The following PKP2 variants were observed in gnomAD, a reference collection of about 807,000 sequenced individuals.
The protein encoded by PKP2 is plakophilin-2.
PKP2 carries 73 observed loss-of-function variants against 83.4 expected under a neutral mutation model. The ratio of observed to expected loss-of-function variants is 0.88; its 90% CI spans 0.72 to 1.06. The LOEUF (loss-of-function observed/expected upper bound fraction) is 1.06, where lower values mean the gene tolerates loss of function less well. PKP2 is among the 50% of genes least tolerant of loss of function. The pLI is 0.00. For missense variants in PKP2, 966 were observed against 1,065.4 expected (o/e 0.91, Z 1.30); for synonymous variants, 409 against 430.4 (o/e 0.95, Z 0.62).
intron 6 of PKP2, among the ~76,000 whole-genome samples, chr12:32,830,919 AAT>A (rs1206460351): frequency 2.0e-5 from 3 of 151,562 alleles, no homozygotes; most frequent in Admixed American, 6.6e-5. Flanking sequence ...AAAAAAAAAA[AAT>A]CCTTTAGCTC....
chr12:32,795,745 G>A (rs953944490), intron 11 of PKP2, among the ~76,000 whole-genome samples: 4 of 152,174 alleles, frequency 2.6e-5, no homozygotes, highest in Admixed American at 2.6e-4. Flanking sequence ...GAGGAAAAGG[G>A]CACTTGCCTA....
In PKP2 at chr12:32,896,660, T is replaced by C; in HGVS notation, c.72A>G (p.Gln24=). The change falls in exon 1 of 13, where the codon CAA becomes CAG. Residue 24 remains glutamine (Q), a synonymous_variant. Coordinates refer to ENST00000340811, the MANE Select transcript of PKP2 (RefSeq NM_001005242.3). The part of the protein sequence containing the change: ...RTVLGQQILG[Q]LDSSSLALPS... ...GCAGCGCCAGGCTGGAGCTGTCCAG[T>C]TGTCCCAGGATCTGCTGGCCCAGGA... 1 of 1,562,748 alleles carries C rather than the reference T, an allele frequency of 6.4e-7. No individual in the cohort carries two copies. The highest frequency in any genetic ancestry group is 8.6e-7 in the Non-Finnish European group (1 of 1,163,566).
intron 5 of PKP2, 139 bp downstream of exon 5, chr12:32,850,627 A>C: frequency 1.4e-6 from 1 of 733,804 alleles, no homozygotes; most frequent in South Asian, 1.5e-5. Flanking sequence ...GCAGGTAACA[A>C]TGTTCCTTTA....
chr12:32,878,140 C>T lies in PKP2; in HGVS notation c.740G>A (p.Gly247Glu), dbSNP rs767647926. 1.2e-6 allele frequency: 2 copies of T among 1,614,238 alleles called. No individual in the cohort carries two copies. The highest frequency in any genetic ancestry group is 1.3e-5 in the African/African-American group (1 of 75,072). Residue 247 changes from glycine to glutamate, a missense_variant, in exon 3 of 13, where the codon GGG becomes GAG. Gly to Glu is a moderately conservative substitution (Grantham distance 98). Transcript: ENST00000340811. ...GAGGTTGCCCATGCTGCGGCTGGTC[C>T]CTGGCCTGGGGTACGTGAGCAGGGC... ...NPALLTYPRPGTSRSMGNLLE... is the reference protein window; with the variant it reads ...NPALLTYPRPETSRSMGNLLE...
rs1362643840 is a variant in PKP2, at chr12:32,821,536, A to G, written c.1840-7T>C. On this transcript the variant is annotated splice_region_variant and splice_polypyrimidine_tract_variant and intron_variant, in intron 8 of 12. Transcript: ENST00000340811. ...TCGGCACGTCCTGGTATTGCTGACC[A>G]CACACAAAAGGAATCCAGAATTAAT... 40 of 1,613,848 alleles carry G rather than the reference A, an allele frequency of 2.5e-5. No individual in the cohort carries two copies. Among genetic ancestry groups the G allele is most frequent in the Non-Finnish European group, 3.3e-5 (39 of 1,179,930 alleles).
chr12:32,800,597 TC>T (rs1328002888), intron 10 of PKP2, among the ~76,000 whole-genome samples: 3 of 152,224 alleles, frequency 2.0e-5, no homozygotes, highest in Non-Finnish European at 4.4e-5. Flanking sequence ...TATTTGTTTT[TC>T]CCTAAGTTGC....
intron 6 of PKP2, among the ~76,000 whole-genome samples, chr12:32,836,244 G>C (rs1956544616): frequency 6.6e-6 from 1 of 152,166 alleles, no homozygotes; most frequent in South Asian, 2.1e-4. Context: ...TAATTCCAAA[G>C]GGACCTAAAG....
At chr12:32,834,408 T>C (rs1347726347) in intron 6 of PKP2, among the ~76,000 whole-genome samples, 1 of 152,204 alleles carries the variant, frequency 6.6e-6, no homozygotes, top group African/African-American at 2.4e-5. Flanking sequence ...AAATTTCTGA[T>C]AGCTGGTTCT....
chr12:32,892,817 G>GT lies in PKP2; in HGVS notation c.223+3691_223+3692insA, dbSNP rs1491339010. Reference sequence around the variant, plus strand: ...CTCCACTCAGATACCTGGGGTGGGGGCGGGGGGGGGGGGAGAACTGTGTAG... The same window carrying GT: ...CTCCACTCAGATACCTGGGGTGGGGGTCGGGGGGGGGGGGAGAACTGTGTAG... On this transcript the variant is annotated intron_variant, in intron 1 of 12. Coordinates refer to ENST00000340811, the MANE Select transcript of PKP2 (RefSeq NM_001005242.3). Among the ~76,000 whole-genome samples, 4 of 108,974 alleles carry GT rather than the reference G, an allele frequency of 3.7e-5. 1 individual carries two copies. The highest frequency in any genetic ancestry group is 8.3e-5 in the Non-Finnish European group (4 of 48,106). 71.5% of individuals were successfully genotyped at this position (108,974 alleles called of 152,430 possible).
intron 9 of PKP2, among the ~76,000 whole-genome samples, chr12:32,812,218 A>G (rs2137749977): frequency 6.6e-6 from 1 of 151,384 alleles, no homozygotes; most frequent in Non-Finnish European, 1.5e-5. Flanking sequence ...AACATTTTCA[A>G]CGCATGGTGT....
At chr12:32,855,760 A>G (rs1956741350) in intron 4 of PKP2, among the ~76,000 whole-genome samples, 1 of 133,702 alleles carries the variant, frequency 7.5e-6, no homozygotes, top group Admixed American at 8.3e-5. Flanking sequence ...TGGGCGACAG[A>G]GAGACTCCAT....
intron 5 of PKP2, among the ~76,000 whole-genome samples, chr12:32,844,525 C>A (rs1956629372): frequency 1.3e-5 from 2 of 152,118 alleles, no homozygotes; most frequent in African/African-American, 4.8e-5. Context: ...AACTAGATAT[C>A]ATTTTCCATG....
At chr12:32,885,425 G>A (rs1435147460) in intron 1 of PKP2, among the ~76,000 whole-genome samples, 1 of 152,178 alleles carries the variant, frequency 6.6e-6, no homozygotes, top group Non-Finnish European at 1.5e-5. Flanking sequence ...AGGCCAAGGT[G>A]GGCAGATCAC....
At position 32,896,673 on chromosome 12, in the gene PKP2, T is replaced by C. The variant is rs2138011134; in HGVS notation, c.59A>G (p.Gln20Arg). The part of the protein sequence containing the change: ...YGYIRTVLGQ[Q>R]ILGQLDSSSL... ...GGAGCTGTCCAGTTGTCCCAGGATC[T>C]GCTGGCCCAGGACGGTCCGGATGTA... Residue 20 changes from glutamine (Q) to arginine (R), a missense_variant, in exon 1 of 13, where the codon CAG becomes CGG. Coordinates refer to ENST00000340811, the MANE Select transcript of PKP2 (RefSeq NM_001005242.3). 6.4e-7 allele frequency: 1 copy of C among 1,553,926 alleles called. No individual in the cohort carries two copies. Among genetic ancestry groups the C allele is most frequent in the Non-Finnish European group, 8.6e-7 (1 of 1,158,874 alleles).
At chr12:32,830,568 C>T (rs1259751343) in intron 6 of PKP2, among the ~76,000 whole-genome samples, 1 of 152,118 alleles carries the variant, frequency 6.6e-6, no homozygotes, top group African/African-American at 2.4e-5. Context: ...CTGTTCCACA[C>T]CAAGAAACTA....
At position 32,885,329 on chromosome 12, in the gene PKP2, G is replaced by A. The variant is rs922976201; in HGVS notation, c.224-6297C>T. 2.0e-5 allele frequency among the ~76,000 whole-genome samples: 3 copies of A among 152,268 alleles called. No homozygotes were observed. The South Asian group carries it at 6.2e-4, about 32-fold the overall frequency. Reference sequence around the variant, plus strand: ...GTGTTTGGTCACCAATACAAACATTGCTCGAAATAATGAATTATTGTCAGG... The same window carrying A: ...GTGTTTGGTCACCAATACAAACATTACTCGAAATAATGAATTATTGTCAGG... On this transcript the variant is annotated intron_variant, in intron 1 of 12. Transcript: ENST00000340811.
intron 6 of PKP2, among the ~76,000 whole-genome samples, chr12:32,830,623 C>G (rs189255315): frequency 6.6e-6 from 1 of 152,246 alleles, no homozygotes; most frequent in African/African-American, 2.4e-5. Context: ...TCCTTTAGCT[C>G]TGGCCAGGCA....
At chr12:32,853,394 G>GAAA (rs79409951) in intron 4 of PKP2, among the ~76,000 whole-genome samples, 8 of 87,896 alleles carry the variant, frequency 9.1e-5, no homozygotes, top group East Asian at 4.8e-4. Context: ...TTCCTTAAAC[G>GAAA]AAAAAAAAAA....
Position 32,835,186 on chromosome 12 carries a change from C to T in PKP2, c.1556+5842G>A, listed in dbSNP as rs186734036. ...CTCCTACCTCAGCCTCCCGAGTAGC[C>T]GGGATTACAGGTGCCCGCCACTACA... is the stretch of plus-strand genomic sequence containing the variant. On this transcript the variant is annotated intron_variant, in intron 6 of 12. Transcript: ENST00000340811. Among the ~76,000 whole-genome samples the T allele has an allele frequency of 4.1e-3, 619 of 151,026 alleles. 4 individuals carry two copies. The highest frequency in any genetic ancestry group is 0.014 in the African/African-American group (594 of 41,172).
Sources: gnomAD v4.1 joint callset for allele counts (sites outside exome capture counted in the v4.1 genomes callset) on GRCh38, gnomAD v4.1.1 for gene constraint, MANE v1.5 for transcripts, NCBI Gene and HGNC (gene_info 2026-07-23, HGNC 2026-07-21) for gene names.